The following EZH1 variants were observed in gnomAD, a reference collection of about 807,000 sequenced individuals.
EZH1 encodes enhancer of zeste 1 polycomb repressive complex 2 subunit.
In EZH1, 33 loss-of-function variants were observed where a neutral mutation model predicts 100.5. The ratio of observed to expected loss-of-function variants is 0.33; its 90% CI spans 0.25 to 0.44. The LOEUF (loss-of-function observed/expected upper bound fraction) is 0.44, where lower values mean the gene tolerates loss of function less well. EZH1 is among the 20% of genes least tolerant of loss of function. The pLI is 1.00. For missense variants in EZH1, 475 were observed against 928.4 expected, an observed-to-expected ratio of 0.51 and a Z score of 6.35; for synonymous variants, 272 against 313.8, an observed-to-expected ratio of 0.87 and a Z score of 1.41.
intron 3 of EZH1, among the ~76,000 whole-genome samples, chr17:42,728,339 C>T (rs1209164011): frequency 3.3e-5 from 5 of 150,644 alleles, no homozygotes; most frequent in Admixed American, 3.3e-4. Context: ...GTCTCGAACT[C>T]CTGACCTCAG....
Position 42,718,192 on chromosome 17 carries a change from C to T in EZH1, c.932-125G>A. ...GATATAAACGGCTACCATCAGGGTG[C>T]ACAAAATTCAGTCATTTCTGACATC... On this transcript the variant is annotated intron_variant, in intron 9 of 20. Coordinates refer to ENST00000428826, the MANE Select transcript of EZH1 (RefSeq NM_001991.5). The surrounding 1 kb of genome is among the most constrained non-coding windows in gnomAD (Gnocchi z 4.2). 1.1e-6 allele frequency: 1 copy of T among 920,540 alleles called. No homozygotes were observed. The highest frequency in any genetic ancestry group is 1.7e-6 in the Non-Finnish European group (1 of 604,410). 57.0% of individuals were successfully genotyped at this position (920,540 alleles called of 1,614,324 possible).
chr17:42,743,725 C>G (rs886545368), intron 1 of EZH1, among the ~76,000 whole-genome samples: 1 of 151,908 alleles, frequency 6.6e-6, no homozygotes, highest in African/African-American at 2.4e-5. Context: ...CTGGGCCTCC[C>G]GAATGCTGGG....
chr17:42,704,333 G>C (rs1307401113), intron 18 of EZH1, among the ~76,000 whole-genome samples: 2 of 152,156 alleles, frequency 1.3e-5, no homozygotes, highest in Non-Finnish European at 2.9e-5. Flanking sequence ...GAGGCCAGGA[G>C]TTCGATACCA....
rs1347789208 is a variant in EZH1 at position 42,710,625 on chromosome 17, G to GTTTTTTTTT, written c.1402-689_1402-688insAAAAAAAAA. ...CACTTCAGCTCATGGTTCTGTTTTT[G>GTTTTTTTTT]TTTGTTTTTTTTTTTTTTTTTTAAG... On this transcript the variant is annotated intron_variant, in intron 12 of 20. Coordinates refer to ENST00000428826, the MANE Select transcript of EZH1 (RefSeq NM_001991.5). Among the ~76,000 whole-genome samples, 4 of 121,214 alleles carry GTTTTTTTTT rather than the reference G, an allele frequency of 3.3e-5. 1 individual carries two copies. Among genetic ancestry groups the GTTTTTTTTT allele is most frequent in the East Asian group, 4.7e-4 (2 of 4,238 alleles). The allele number at this position is 121,214 out of a possible 152,430, so 79.5% of individuals were successfully genotyped here. A position where few individuals can be genotyped will look rare whatever the true frequency, so the allele number is the denominator to read the frequency against.
At chr17:42,723,059 C>T (rs1329796556) in intron 5 of EZH1, 144 bp from the exon 6 acceptor site, 1 of 1,286,920 alleles carries the variant, frequency 7.8e-7, no homozygotes, top group African/African-American at 1.5e-5. Flanking sequence ...ATTTTAAACA[C>T]TGGCCATTTT....
intron 6 of EZH1, among the ~76,000 whole-genome samples, chr17:42,721,863 A>T (rs890371206): frequency 6.6e-6 from 1 of 151,878 alleles, no homozygotes; most frequent in African/African-American, 2.4e-5. Context: ...TTTTAAAAAT[A>T]AGCCAGGGCC....
chr17:42,702,885 A>G lies in EZH1; in HGVS notation c.2175T>C (p.Phe725=). ...RAIQAGEELF[F]DYRYSQADAL... ...CATTACTGGCACCTCACCTGTAATC[A>G]AAGAAGAGCTCTTCGCCAGCTTGAA... Residue 725 remains phenylalanine, a synonymous_variant, in exon 20 of 21, where the codon TTT becomes TTC. Coordinates refer to ENST00000428826, the MANE Select transcript of EZH1 (RefSeq NM_001991.5). 6.2e-7 allele frequency: 1 copy of G among 1,614,128 alleles called. No individual in the cohort carries two copies. Among genetic ancestry groups the G allele is most frequent in the Non-Finnish European group, 8.5e-7 (1 of 1,180,018 alleles).
intron 16 of EZH1, 146 bp downstream of exon 16, chr17:42,705,861 A>T: frequency 1.1e-6 from 1 of 892,628 alleles, no homozygotes; most frequent in Non-Finnish European, 1.6e-6. Flanking sequence ...AGCCTTTATT[A>T]ATTCAGTAAA....
chr17:42,711,645 C>CA (rs34631785), intron 12 of EZH1, among the ~76,000 whole-genome samples: 67,712 of 139,180 alleles, frequency 0.49, 15,993 homozygotes, highest in Non-Finnish European at 0.52. Flanking sequence ...GATTCTGTCT[C>CA]AAAAAAAAAA....
In EZH1 at chr17:42,718,000, A is replaced by T; in HGVS notation, c.999T>A (p.Cys333Ter). 1 of 1,614,230 alleles carries T rather than the reference A, an allele frequency of 6.2e-7. No homozygotes were observed. The highest frequency in any genetic ancestry group is 8.5e-7 in the Non-Finnish European group (1 of 1,180,020). ...NKEIKIEPEP[C>*]GTDCFLLLEG... is the part of the protein sequence containing the mutation. ...CCAGCAAAAGGAAGCAGTCTGTGCCACATGGTTCTGGTTCAATCTTGATTT... is the reference window on the plus strand; with the variant it reads ...CCAGCAAAAGGAAGCAGTCTGTGCCTCATGGTTCTGGTTCAATCTTGATTT... Residue 333 changes from cysteine to a stop codon, truncating the protein, a stop_gained, in exon 10 of 21, where the codon TGT becomes TGA. Coordinates refer to ENST00000428826, the MANE Select transcript of EZH1 (RefSeq NM_001991.5). LOFTEE classifies it high-confidence loss of function.
chr17:42,709,406 G>A (rs2242461), intron 13 of EZH1: 115,656 of 178,834 alleles, frequency 0.65, 39,063 homozygotes, highest in African/African-American at 0.88. Flanking sequence ...TAGGGAACAG[G>A]GCCAGGGTGC....
intron 1 of EZH1, among the ~76,000 whole-genome samples, chr17:42,738,428 A>C (rs1255026084): frequency 6.6e-6 from 1 of 151,424 alleles, no homozygotes; most frequent in Admixed American, 6.6e-5. Flanking sequence ...TTTTAATTTT[A>C]TTTATTTGTA....
rs2053716391 is a variant in EZH1 at position 42,722,036 on chromosome 17, T to A, written c.487+759A>T. On this transcript the variant is annotated intron_variant, in intron 6 of 20. Transcript: ENST00000428826. ...TGTGGTAGGCGCCTGTAGTCCCAGC[T>A]ACCTCGGGAGGCTGAGGCAGGAGAA... is the stretch of plus-strand genomic sequence containing the variant. Among the ~76,000 whole-genome samples, 3 of 150,502 alleles carry A rather than the reference T, an allele frequency of 2.0e-5. No individual in the cohort carries two copies. The South Asian group carries it at 6.3e-4, about 31-fold the overall frequency.
At chr17:42,703,676 G>A (rs1014918110) in intron 19 of EZH1, 64 bp downstream of exon 19, 8 of 1,164,416 alleles carry the variant, frequency 6.9e-6, no homozygotes, top group African/African-American at 3.0e-5. Context: ...GTTCAACAAC[G>A]AATGGAAATC....
At chr17:42,712,895 G>A (rs372429578) in intron 11 of EZH1, among the ~76,000 whole-genome samples, 7 of 152,048 alleles carry the variant, frequency 4.6e-5, no homozygotes, top group African/African-American at 4.8e-5. Flanking sequence ...AAAATTAGCC[G>A]GGCGTGGTGG....
At chr17:42,743,697 C>T (rs2054222250) in intron 1 of EZH1, among the ~76,000 whole-genome samples, 1 of 151,856 alleles carries the variant, frequency 6.6e-6, no homozygotes, top group African/African-American at 2.4e-5. Context: ...AACTCCTGGG[C>T]TCAAGCTATT....
chr17:42,741,293 C>T (rs1387370297), intron 1 of EZH1, among the ~76,000 whole-genome samples: 1 of 152,206 alleles, frequency 6.6e-6, no homozygotes, highest in East Asian at 1.9e-4. Context: ...CATCTCAGCT[C>T]ACTGCAACCT....
rs2053660166 is a variant in EZH1 at position 42,719,210 on chromosome 17, G to T, written c.665-3C>A. ...TTTCTTGGAACTCTTTTTGTTGCCTGAATTGGAAATGATAAAAAGCTCCTG... is the reference window on the plus strand; with the variant it reads ...TTTCTTGGAACTCTTTTTGTTGCCTTAATTGGAAATGATAAAAAGCTCCTG... On this transcript the variant is annotated splice_polypyrimidine_tract_variant and splice_region_variant and intron_variant, in intron 7 of 20. Transcript: ENST00000428826. 1.2e-6 allele frequency: 2 copies of T among 1,610,830 alleles called. No individual in the cohort carries two copies. Among genetic ancestry groups the T allele is most frequent in the Admixed American group, 1.7e-5 (1 of 59,956 alleles).
intron 4 of EZH1, among the ~76,000 whole-genome samples, chr17:42,726,213 CTT>C (rs1242560610): frequency 4.5e-5 from 4 of 88,550 alleles, no homozygotes; most frequent in Non-Finnish European, 6.9e-5. Context: ...GAGACAGTCT[CTT>C]TTTTTTTTTT....
Sources: allele counts gnomAD v4.1 joint callset (sites outside exome capture counted in the v4.1 genomes callset), GRCh38; gene constraint gnomAD v4.1.1; non-coding constraint Gnocchi (gnomAD v3.1); transcripts MANE v1.5; gene names NCBI Gene and HGNC (gene_info 2026-07-23, HGNC 2026-07-21).